Variants in TGFBR2 observed in about 807,000 individuals in gnomAD.
TGFBR2 encodes the protein TGF-beta receptor type-2.
TGFBR2 carries 18 observed loss-of-function variants against 49.0 expected under a neutral mutation model. That is an observed-to-expected ratio of 0.37 (90% CI 0.25 to 0.54). The LOEUF is 0.54. Ranked by LOEUF, TGFBR2 falls within the 20% of genes least tolerant of loss-of-function variation. TGFBR2 has a pLI of 0.85. For synonymous variants in TGFBR2, 282 were observed against 275.9 expected (o/e 1.02, Z -0.22); for missense variants, 525 against 722.6 (o/e 0.73, Z 3.13).
intron 5 of TGFBR2, 131 bp from the exon 6 acceptor site, chr3:30,688,253 T>C: frequency 1.7e-6 from 2 of 1,174,352 alleles, no homozygotes; most frequent in Non-Finnish European, 1.3e-6. Context: ...TAAAATTTGC[T>C]CTTAGAGTAA....
chr3:30,613,525 TGAGAGAGAGA>T (rs34082216), intron 1 of TGFBR2, among the ~76,000 whole-genome samples: 5 of 148,478 alleles, frequency 3.4e-5, no homozygotes, highest in East Asian at 2.0e-4. Flanking sequence ...TGTCTGTATG[TGAGAGAGAGA>T]GAGAGAGAGA....
chr3:30,659,238 A>C (rs1473667910), intron 3 of TGFBR2, among the ~76,000 whole-genome samples: 2 of 152,216 alleles, frequency 1.3e-5, no homozygotes, highest in East Asian at 3.8e-4. Flanking sequence ...AGAAAAAATA[A>C]GTGTGGAAAT....
Position 30,669,121 on chromosome 3 carries a change from C to CAAAA in TGFBR2, c.455-2489_455-2486dup, listed in dbSNP as rs56069409. On this transcript the variant is annotated intron_variant, in intron 3 of 6. Transcript: ENST00000295754. ...TGAAACCCCGTCTCCACTAAAAATACAAAAAAAAAAAAAAAAAAAAAAAAA... is the reference window on the plus strand; with the variant it reads ...TGAAACCCCGTCTCCACTAAAAATACAAAAAAAAAAAAAAAAAAAAAAAAAAAAA... Among the ~76,000 whole-genome samples, 56 of 83,464 alleles carry CAAAA rather than the reference C, an allele frequency of 6.7e-4. 1 individual carries two copies. The highest frequency in any genetic ancestry group is 1.9e-3 in the African/African-American group (34 of 18,308). 54.8% of individuals were successfully genotyped at this position (83,464 alleles called of 152,430 possible).
At chr3:30,622,742 T>C (rs1003896683) in intron 1 of TGFBR2, among the ~76,000 whole-genome samples, 21 of 148,454 alleles carry the variant, frequency 1.4e-4, no homozygotes, top group African/African-American at 4.9e-4. Context: ...TAGCTAGGAG[T>C]GGTGGGACAC....
At chr3:30,626,438 A>G (rs1698333574) in intron 1 of TGFBR2, 1 of 152,518 alleles carries the variant, frequency 6.6e-6, no homozygotes, top group Non-Finnish European at 1.5e-5. Context: ...ATGATTTTCC[A>G]AAAGAGAAAA....
At chr3:30,643,574 G>C (rs536096978) in intron 1 of TGFBR2, among the ~76,000 whole-genome samples, 1 of 152,290 alleles carries the variant, frequency 6.6e-6, no homozygotes, top group South Asian at 2.1e-4. Flanking sequence ...TCTCTAATCT[G>C]AGTGAAGAAG....
At chr3:30,607,824 T>A (rs958493687) in intron 1 of TGFBR2, among the ~76,000 whole-genome samples, 12 of 135,668 alleles carry the variant, frequency 8.8e-5, no homozygotes, top group African/African-American at 2.8e-4. Context: ...TATATATATA[T>A]AAATATATAT....
chr3:30,681,945 G>T (rs569325237), intron 5 of TGFBR2, among the ~76,000 whole-genome samples: 36 of 152,288 alleles, frequency 2.4e-4, no homozygotes, highest in African/African-American at 7.9e-4. Flanking sequence ...TATCAAGTGG[G>T]TTACCACCAT....
intron 1 of TGFBR2, among the ~76,000 whole-genome samples, chr3:30,607,419 T>A (rs920336015): frequency 6.6e-6 from 1 of 152,232 alleles, no homozygotes; most frequent in African/African-American, 2.4e-5. Context: ...GAGCCACCCG[T>A]TCAAAAGGCC....
chr3:30,679,303 ACT>A (rs1368809678), intron 5 of TGFBR2, among the ~76,000 whole-genome samples: 3 of 151,968 alleles, frequency 2.0e-5, no homozygotes, highest in African/African-American at 7.3e-5. Context: ...GAAGAGGAAG[ACT>A]CTGGGGCATC....
intron 5 of TGFBR2, among the ~76,000 whole-genome samples, chr3:30,674,457 T>C (rs1699397620): frequency 6.6e-6 from 1 of 152,230 alleles, no homozygotes; most frequent in Non-Finnish European, 1.5e-5. Flanking sequence ...AAGCTTTGTA[T>C]CTCCTTTTAT....
intron 3 of TGFBR2, among the ~76,000 whole-genome samples, chr3:30,666,286 A>G (rs570370724): frequency 8.1e-4 from 124 of 152,312 alleles, no homozygotes; most frequent in African/African-American, 2.7e-3. Flanking sequence ...GAAGGTCCCA[A>G]TAGTGCAACA....
At chr3:30,658,359 C>A (rs1034777787) in intron 3 of TGFBR2, among the ~76,000 whole-genome samples, 11 of 152,174 alleles carry the variant, frequency 7.2e-5, no homozygotes, top group Admixed American at 6.5e-4. Flanking sequence ...AATTATAGCT[C>A]CTGTCTTGAC....
intron 1 of TGFBR2, among the ~76,000 whole-genome samples, chr3:30,630,773 G>A (rs908362759): frequency 6.6e-6 from 1 of 152,078 alleles, no homozygotes; most frequent in African/African-American, 2.4e-5. Flanking sequence ...GGATCCTTTT[G>A]CCCTTCCATT....
chr3:30,657,259 C>T (rs1439995187), intron 3 of TGFBR2, among the ~76,000 whole-genome samples: 2 of 152,202 alleles, frequency 1.3e-5, no homozygotes, highest in Non-Finnish European at 2.9e-5. Context: ...GCACAACTTA[C>T]ATAAGAGGCT....
intron 3 of TGFBR2, among the ~76,000 whole-genome samples, chr3:30,668,685 G>T (rs925654620): frequency 6.6e-6 from 1 of 151,956 alleles, no homozygotes; most frequent in Non-Finnish European, 1.5e-5. Context: ...CCCAGTGTAA[G>T]AATTTATGTT....
At chr3:30,607,812 A>T (rs1017248898) in intron 1 of TGFBR2, among the ~76,000 whole-genome samples, 1 of 139,108 alleles carries the variant, frequency 7.2e-6, no homozygotes, top group African/African-American at 2.9e-5. Context: ...ATATATATAT[A>T]TTATATATAT....
At chr3:30,652,844 A>G (rs546112531) in intron 3 of TGFBR2, among the ~76,000 whole-genome samples, 14 of 152,330 alleles carry the variant, frequency 9.2e-5, no homozygotes, top group South Asian at 2.1e-4. Flanking sequence ...ATCATTGAAT[A>G]TCTTTGTCAA....
intron 5 of TGFBR2, among the ~76,000 whole-genome samples, chr3:30,678,150 G>A (rs1486627464): frequency 6.6e-6 from 1 of 152,120 alleles, no homozygotes; most frequent in East Asian, 1.9e-4. Context: ...CTCTGAGTCT[G>A]TGTGCTTGTG....
Sources: gnomAD v4.1 joint callset for allele counts (sites outside exome capture counted in the v4.1 genomes callset) on GRCh38, gnomAD v4.1.1 for gene constraint, MANE v1.5 for transcripts, NCBI Gene and HGNC (gene_info 2026-07-23, HGNC 2026-07-21) for gene names.